Variants in KIAA1328 observed in about 807,000 individuals in gnomAD.
The protein encoded by KIAA1328 is KIAA1328, also known as protein hinderin.
In KIAA1328, 52 loss-of-function variants were observed where a neutral mutation model predicts 68.1. The observed-to-expected ratio is 0.76, with a 90% CI of 0.61 to 0.96. The LOEUF (loss-of-function observed/expected upper bound fraction) is 0.96. KIAA1328 is among the 40% of genes least tolerant of loss of function. The probability of loss-of-function intolerance (pLI) is 0.00; values close to 1 mark genes in which losing one functional copy is unlikely to be tolerated. For synonymous variants in KIAA1328, 232 were observed against 239.4 expected, an observed-to-expected ratio of 0.97 and a Z score of 0.28; for missense variants, 641 against 677.6, an observed-to-expected ratio of 0.95 and a Z score of 0.60.
At chr18:37,059,053 A>G (rs2056042106) in intron 6 of KIAA1328, among the ~76,000 whole-genome samples, 1 of 152,154 alleles carries the variant, frequency 6.6e-6, no homozygotes, top group East Asian at 1.9e-4. Flanking sequence ...GTATAGAGTA[A>G]CAGAAGTAAC....
intron 7 of KIAA1328, among the ~76,000 whole-genome samples, chr18:37,121,230 A>G (rs1378288962): frequency 6.6e-6 from 1 of 152,160 alleles, no homozygotes; most frequent in Non-Finnish European, 1.5e-5. Context: ...TTATGTATAT[A>G]TCCAACCATT....
intron 7 of KIAA1328, among the ~76,000 whole-genome samples, chr18:37,145,758 A>G (rs1205430365): frequency 6.6e-6 from 1 of 152,184 alleles, no homozygotes; most frequent in East Asian, 1.9e-4. Flanking sequence ...ATTTGATATT[A>G]TATAATCATT....
rs369632311 is a variant in KIAA1328 at position 37,135,429 on chromosome 18, G to A, written c.1233-24771G>A. ...TGAGATGGTATCTCATTACGGTTTT[G>A]ATTTGCATTTCTCTGATGATTAGTG... On this transcript the variant is annotated intron_variant, in intron 7 of 9. Coordinates refer to ENST00000280020, the MANE Select transcript of KIAA1328 (RefSeq NM_020776.3). Among the ~76,000 whole-genome samples, 42 of 152,206 alleles carry A rather than the reference G, an allele frequency of 2.8e-4. No individual in the cohort carries two copies. The East Asian group carries it at 8.1e-3, about 29-fold the overall frequency.
chr18:36,875,855 G>A (rs959938192), intron 4 of KIAA1328, among the ~76,000 whole-genome samples: 25 of 152,098 alleles, frequency 1.6e-4, no homozygotes, highest in Admixed American at 1.6e-3. Context: ...GGTACCTAGT[G>A]TATTGAGTGT....
In KIAA1328 at chr18:37,223,766, C is replaced by T. The variant is rs2154226780; in HGVS notation, c.*1539C>T. 3 of 985,406 alleles carry T rather than the reference C, an allele frequency of 3.0e-6. No homozygotes were observed. The highest frequency in any genetic ancestry group is 2.4e-6 in the Non-Finnish European group (2 of 829,930). 61.0% of individuals were successfully genotyped at this position (985,406 alleles called of 1,614,324 possible). A position where few individuals can be genotyped will look rare whatever the true frequency, so the allele number is the denominator to read the frequency against. On this transcript the variant is annotated 3_prime_UTR_variant, in exon 10 of 10. Transcript: ENST00000280020. ...CCTCCTTATCCAGATAGATCCAAAG[C>T]TCATGTCTCTTCAGGCTGAGACTGG...
At chr18:37,147,666 A>G (rs1173034384) in intron 7 of KIAA1328, among the ~76,000 whole-genome samples, 1 of 152,150 alleles carries the variant, frequency 6.6e-6, no homozygotes, top group Non-Finnish European at 1.5e-5. Context: ...GGTCTTTGTT[A>G]GAGAAGTTTA....
intron 9 of KIAA1328, among the ~76,000 whole-genome samples, chr18:37,199,047 C>T (rs1034732410): frequency 3.9e-5 from 6 of 152,068 alleles, no homozygotes; most frequent in Admixed American, 3.9e-4. Context: ...TGTGTCTTTG[C>T]CATATTTGGG....
At chr18:37,184,980 G>A (rs1264077961) in intron 9 of KIAA1328, among the ~76,000 whole-genome samples, 2 of 151,790 alleles carry the variant, frequency 1.3e-5, no homozygotes, top group African/African-American at 4.8e-5. Flanking sequence ...TGGCTAACAC[G>A]GTGAAACCTC....
At chr18:36,920,370 T>C (rs948900357) in intron 5 of KIAA1328, among the ~76,000 whole-genome samples, 1 of 152,164 alleles carries the variant, frequency 6.6e-6, no homozygotes, top group East Asian at 1.9e-4. Context: ...AGTGTACAGC[T>C]TTATTTCTGT....
Position 36,876,869 on chromosome 18 carries a change from C to T in KIAA1328, c.333-8688C>T, listed in dbSNP as rs186483755. ...TAGCTGTGTCTCAGAGATTCTGGTA[C>T]GTTGTGTCATTATTCTCGTTGGTTT... is the stretch of plus-strand genomic sequence containing the variant. On this transcript the variant is annotated intron_variant, in intron 4 of 9. Transcript: ENST00000280020. 5.9e-4 allele frequency among the ~76,000 whole-genome samples: 89 copies of T among 151,962 alleles called. 1 individual carries two copies. The highest frequency in any genetic ancestry group is 1.8e-3 in the African/African-American group (75 of 41,468).
At chr18:37,139,175 G>T (rs2154207813) in intron 7 of KIAA1328, among the ~76,000 whole-genome samples, 1 of 152,060 alleles carries the variant, frequency 6.6e-6, no homozygotes, top group South Asian at 2.1e-4. Flanking sequence ...TTGTTAGCCA[G>T]GATGGTCTTG....
At chr18:37,028,950 A>G (rs1208018805) in intron 6 of KIAA1328, among the ~76,000 whole-genome samples, 5 of 152,192 alleles carry the variant, frequency 3.3e-5, no homozygotes, top group Middle Eastern at 3.4e-3. Flanking sequence ...TTTTGCAACT[A>G]TGTTCATCAG....
chr18:37,226,737 A>G (rs972923131), downstream of KIAA1328, among the ~76,000 whole-genome samples: 1 of 71,654 alleles, frequency 1.4e-5, no homozygotes, highest in Non-Finnish European at 3.1e-5. Flanking sequence ...TTTTTTTGTT[A>G]TTATGAAGAA....
intron 8 of KIAA1328, among the ~76,000 whole-genome samples, chr18:37,161,769 G>A (rs2059283879): frequency 6.6e-6 from 1 of 152,208 alleles, no homozygotes; most frequent in Non-Finnish European, 1.5e-5. Context: ...AATTTGTGTT[G>A]CGTGGCAGCA....
intron 7 of KIAA1328, among the ~76,000 whole-genome samples, chr18:37,092,289 C>T (rs1049965419): frequency 6.6e-6 from 1 of 152,124 alleles, no homozygotes; most frequent in Non-Finnish European, 1.5e-5. Context: ...CCTGCACTCA[C>T]ACCCAGGGTC....
chr18:37,063,907 C>A (rs8086707), intron 6 of KIAA1328, among the ~76,000 whole-genome samples: 15,839 of 151,708 alleles, frequency 0.1, 2,793 homozygotes, highest in African/African-American at 0.36. Flanking sequence ...GTTTCTGGAT[C>A]TTTTAAAAAC....
At chr18:36,859,596 A>ACT (rs1451517619) in intron 4 of KIAA1328, among the ~76,000 whole-genome samples, 1 of 115,952 alleles carries the variant, frequency 8.6e-6, no homozygotes, top group Non-Finnish European at 1.7e-5. Flanking sequence ...TCTCACTCTC[A>ACT]CTCTCTCTTT....
chr18:36,887,543 C>T (rs1568125486), intron 5 of KIAA1328, among the ~76,000 whole-genome samples: 1 of 152,066 alleles, frequency 6.6e-6, no homozygotes, highest in Non-Finnish European at 1.5e-5. Context: ...GTAATTATGA[C>T]TCCCTCTCCC....
intron 7 of KIAA1328, among the ~76,000 whole-genome samples, chr18:37,118,221 C>T (rs904560526): frequency 6.6e-6 from 1 of 152,054 alleles, no homozygotes; most frequent in Non-Finnish European, 1.5e-5. Flanking sequence ...TCTTGAACTC[C>T]TGAGCTCAAG....
Sources: allele counts gnomAD v4.1 joint callset (sites outside exome capture counted in the v4.1 genomes callset), GRCh38; gene constraint gnomAD v4.1.1; transcripts MANE v1.5; gene names NCBI Gene and HGNC (gene_info 2026-07-23, HGNC 2026-07-21).